SLC35F1: variants seen among roughly 807,000 people sequenced by gnomAD.
SLC35F1 encodes the protein chromosome 6 open reading frame 169.
SLC35F1 carries 14 observed loss-of-function variants against 48.7 expected under a neutral mutation model. The ratio of observed to expected loss-of-function variants is 0.29; its 90% CI spans 0.19 to 0.45. The LOEUF (loss-of-function observed/expected upper bound fraction) is 0.45, where lower values mean the gene tolerates loss of function less well. Among genes scored for constraint, SLC35F1 ranks in the 20% least tolerant of loss-of-function variants. The pLI is 1.00. For synonymous variants in SLC35F1, 190 were observed against 202.2 expected (o/e 0.94, Z 0.51); for missense variants, 404 against 500.0 (o/e 0.81, Z 1.83).
chr6:118,112,338 A>T (rs1773419636), intron 1 of SLC35F1, among the ~76,000 whole-genome samples: 1 of 152,118 alleles, frequency 6.6e-6, no homozygotes, highest in Non-Finnish European at 1.5e-5. Context: ...GTAATTAAGA[A>T]AATTAATCTT....
intron 7 of SLC35F1, among the ~76,000 whole-genome samples, chr6:118,286,805 T>TGTGTTTGTG (rs1562351393): frequency 1.1e-3 from 161 of 144,096 alleles, no homozygotes; most frequent in African/African-American, 3.4e-3. Context: ...GTGTGTGTGT[T>TGTGTTTGTG]TGTGTGTGTG....
Position 118,158,332 on chromosome 6 carries a change from T to C in SLC35F1, c.349+3712T>C, listed in dbSNP as rs138769247. Among the ~76,000 whole-genome samples the C allele has an allele frequency of 6.1e-3, 934 of 152,310 alleles. 4 individuals are homozygous for C. Among genetic ancestry groups the C allele is most frequent in the Middle Eastern group, 0.014 (4 of 294 alleles). On this transcript the variant is annotated intron_variant, in intron 2 of 7. Transcript: ENST00000360388. The stretch of plus-strand genomic sequence containing the variant: ...TGTTCTGGAGACATACTAATCTTTC[T>C]AGTCAGGCACCTGAAAATTTGGGAA...
At chr6:118,282,978 T>C (rs940795856) in intron 6 of SLC35F1, among the ~76,000 whole-genome samples, 1 of 152,198 alleles carries the variant, frequency 6.6e-6, no homozygotes, top group Non-Finnish European at 1.5e-5. Flanking sequence ...CTTTTGAAAA[T>C]GTAGATCAGA....
chr6:118,306,669 A>T (rs370185228), intron 7 of SLC35F1, among the ~76,000 whole-genome samples: 1 of 152,206 alleles, frequency 6.6e-6, no homozygotes, highest in Admixed American at 6.5e-5. Flanking sequence ...AACTGAGCCT[A>T]TAATTAAACA....
chr6:117,985,504 A>G (rs1294438990), intron 1 of SLC35F1, among the ~76,000 whole-genome samples: 1 of 152,236 alleles, frequency 6.6e-6, no homozygotes, highest in African/African-American at 2.4e-5. Context: ...AAATGCAACA[A>G]TTAAAAAGTC....
intron 7 of SLC35F1, among the ~76,000 whole-genome samples, chr6:118,289,956 T>C (rs1776099865): frequency 6.6e-6 from 1 of 152,204 alleles, no homozygotes; most frequent in Non-Finnish European, 1.5e-5. Flanking sequence ...CATGGCGATG[T>C]TGATATTTTA....
chr6:118,240,233 G>A (rs1310752872), intron 3 of SLC35F1, among the ~76,000 whole-genome samples: 2 of 152,202 alleles, frequency 1.3e-5, no homozygotes, highest in African/African-American at 4.8e-5. Flanking sequence ...TGGCAAGAGA[G>A]CAGACACCTA....
chr6:117,931,042 G>A (rs1776094747), intron 1 of SLC35F1, among the ~76,000 whole-genome samples: 1 of 152,108 alleles, frequency 6.6e-6, no homozygotes, highest in Non-Finnish European at 1.5e-5. Flanking sequence ...CCACAGAGAT[G>A]TTTTGAGAAT....
At chr6:117,913,770 A>C (rs1775791516) in intron 1 of SLC35F1, among the ~76,000 whole-genome samples, 1 of 152,162 alleles carries the variant, frequency 6.6e-6, no homozygotes, top group African/African-American at 2.4e-5. Context: ...ATATTGTTTC[A>C]GCCAGGGGCG....
intron 1 of SLC35F1, among the ~76,000 whole-genome samples, chr6:117,995,363 G>A (rs1037973880): frequency 2.0e-5 from 3 of 152,186 alleles, no homozygotes; most frequent in African/African-American, 4.8e-5. Context: ...GTTCAATGAG[G>A]TAGGGATGTT....
At chr6:118,026,553 G>A (rs1365160285) in intron 1 of SLC35F1, among the ~76,000 whole-genome samples, 1 of 152,042 alleles carries the variant, frequency 6.6e-6, no homozygotes, top group Non-Finnish European at 1.5e-5. Context: ...TACTCTCTTT[G>A]GGAATCCCAG....
chr6:118,199,415 C>A (rs961720455), intron 2 of SLC35F1, among the ~76,000 whole-genome samples: 1 of 152,204 alleles, frequency 6.6e-6, no homozygotes, highest in African/African-American at 2.4e-5. Context: ...TCTTCTGTAA[C>A]AACTTGTAAG....
At chr6:118,184,922 T>G (rs1190396891) in intron 2 of SLC35F1, among the ~76,000 whole-genome samples, 5 of 152,180 alleles carry the variant, frequency 3.3e-5, no homozygotes, top group African/African-American at 9.6e-5. Context: ...GGGTAGAGAT[T>G]CTGTGACTAT....
chr6:118,127,903 C>G (rs1361300235), intron 1 of SLC35F1, among the ~76,000 whole-genome samples: 2 of 151,996 alleles, frequency 1.3e-5, no homozygotes, highest in Non-Finnish European at 2.9e-5. Context: ...ATTTTTGCAA[C>G]CTACTCATCG....
chr6:118,303,281 T>C (rs944523999), intron 7 of SLC35F1, among the ~76,000 whole-genome samples: 6 of 152,238 alleles, frequency 3.9e-5, no homozygotes, highest in African/African-American at 9.6e-5. Context: ...ATTAAGGGTG[T>C]TCCAACAGAA....
chr6:118,014,141 A>T (rs1777288690), intron 1 of SLC35F1, among the ~76,000 whole-genome samples: 1 of 152,190 alleles, frequency 6.6e-6, no homozygotes, highest in Non-Finnish European at 1.5e-5. Flanking sequence ...TACTTGCAAA[A>T]TGGGTATAAT....
intron 3 of SLC35F1, among the ~76,000 whole-genome samples, chr6:118,242,155 C>T (rs1389699547): frequency 2.6e-5 from 4 of 152,190 alleles, no homozygotes; most frequent in African/African-American, 7.2e-5. Flanking sequence ...AGCTAATTCC[C>T]ATAGCAGCTG....
chr6:118,043,623 T>TC (rs2114903932), intron 1 of SLC35F1, among the ~76,000 whole-genome samples: 1 of 152,312 alleles, frequency 6.6e-6, no homozygotes, highest in South Asian at 2.1e-4. Context: ...AATATAGATT[T>TC]CCCCACGTTT....
At chr6:118,274,892 T>C (rs1460372360) in intron 4 of SLC35F1, among the ~76,000 whole-genome samples, 1 of 152,232 alleles carries the variant, frequency 6.6e-6, no homozygotes, top group Non-Finnish European at 1.5e-5. Flanking sequence ...GCTTCTGTTA[T>C]AGCTTCCCTC....
Sources: allele counts gnomAD v4.1 joint callset (sites outside exome capture counted in the v4.1 genomes callset), GRCh38; gene constraint gnomAD v4.1.1; transcripts MANE v1.5; gene names NCBI Gene and HGNC (gene_info 2026-07-23, HGNC 2026-07-21).